Variants in NGF observed in about 807,000 individuals in gnomAD.
NGF encodes nerve growth factor.
A neutral mutation model predicts 12.8 loss-of-function variants in NGF; 4 were observed. The observed-to-expected ratio is 0.31, with a 90% confidence interval of 0.15 to 0.72. The LOEUF (loss-of-function observed/expected upper bound fraction) is 0.72. Among genes scored for constraint, NGF ranks in the 30% least tolerant of loss-of-function variants. The pLI is 0.69. For synonymous variants in NGF, 140 were observed against 130.0 expected, an observed-to-expected ratio of 1.08 and a Z score of -0.52; for missense variants, 283 against 330.8, an observed-to-expected ratio of 0.86 and a Z score of 1.12.
Position 115,297,206 on chromosome 1 carries a change from C to A in NGF, c.-136-3456G>T, listed in dbSNP as rs149679340. Among the ~76,000 whole-genome samples, 10 of 152,286 alleles carry A rather than the reference C, an allele frequency of 6.6e-5. No homozygotes were observed. The East Asian group carries it at 1.7e-3, about 26-fold the overall frequency. On this transcript the variant is annotated intron_variant, in intron 1 of 2. Coordinates refer to ENST00000369512, the MANE Select transcript of NGF (RefSeq NM_002506.3). ...ACTGGGAATGAAACACAACAATCTG[C>A]GGTTTAACCAGCTCTGCAGGTGATT...
At chr1:115,292,284 T>C (rs888043865) in intron 2 of NGF, among the ~76,000 whole-genome samples, 5 of 152,060 alleles carry the variant, frequency 3.3e-5, no homozygotes, top group African/African-American at 2.4e-5. Flanking sequence ...ACAGGATTTA[T>C]TGGGAGGAGG....
At chr1:115,333,655 C>T (rs547791966) in intron 1 of NGF, among the ~76,000 whole-genome samples, 5 of 135,224 alleles carry the variant, frequency 3.7e-5, no homozygotes, top group Non-Finnish European at 3.2e-5. Context: ...TTCTTTCTTT[C>T]TCTTTCTTTC....
At chr1:115,304,501 T>C (rs1471991928) in intron 1 of NGF, among the ~76,000 whole-genome samples, 4 of 151,832 alleles carry the variant, frequency 2.6e-5, no homozygotes, top group Non-Finnish European at 4.4e-5. Context: ...TAAGGAATTA[T>C]GTACCTTCGT....
At chr1:115,337,051 C>A (rs1655126934) in intron 1 of NGF, among the ~76,000 whole-genome samples, 1 of 152,154 alleles carries the variant, frequency 6.6e-6, no homozygotes, top group Non-Finnish European at 1.5e-5. Context: ...TTCCTTAATA[C>A]CCACAGCACC....
At chr1:115,334,435 C>T (rs748368009) in intron 1 of NGF, among the ~76,000 whole-genome samples, 1 of 152,164 alleles carries the variant, frequency 6.6e-6, no homozygotes, top group African/African-American at 2.4e-5. Flanking sequence ...TCACCTTACT[C>T]TTTCTGATTT....
At chr1:115,319,804 C>G (rs955014053) in intron 1 of NGF, among the ~76,000 whole-genome samples, 2 of 152,122 alleles carry the variant, frequency 1.3e-5, no homozygotes, top group Non-Finnish European at 2.9e-5. Context: ...TAAGGAAGAA[C>G]AATGTCAGCC....
chr1:115,298,966 C>T (rs975690517), intron 1 of NGF, among the ~76,000 whole-genome samples: 4 of 152,246 alleles, frequency 2.6e-5, no homozygotes, highest in South Asian at 2.1e-4. Flanking sequence ...TCTCCCATCT[C>T]TCTGTTAGTC....
intron 1 of NGF, among the ~76,000 whole-genome samples, chr1:115,299,540 A>G (rs1653970207): frequency 6.6e-6 from 1 of 152,186 alleles, no homozygotes; most frequent in African/African-American, 2.4e-5. Context: ...AGTGTGGGTA[A>G]TTACAACAAC....
In NGF at chr1:115,328,795, G is replaced by A. The variant is rs141720918; in HGVS notation, c.-137+9409C>T. Among the ~76,000 whole-genome samples, 16 of 152,284 alleles carry A rather than the reference G, an allele frequency of 1.1e-4. 1 individual carries two copies. The East Asian group carries it at 2.5e-3, about 24-fold the overall frequency. ...ACCCAATGTCAGTGCCCAGTGACAG[G>A]GAGGAGGATGTCTTGTGCCCCTTGG... On this transcript the variant is annotated intron_variant, in intron 1 of 2. Coordinates refer to ENST00000369512, the MANE Select transcript of NGF (RefSeq NM_002506.3).
At chr1:115,297,233 T>A (rs1653900433) in intron 1 of NGF, among the ~76,000 whole-genome samples, 1 of 152,230 alleles carries the variant, frequency 6.6e-6, no homozygotes. Flanking sequence ...CAGGTGATTC[T>A]GATAGTCACA....
chr1:115,313,588 GT>G (rs1174782553), intron 1 of NGF, among the ~76,000 whole-genome samples: 1 of 152,116 alleles, frequency 6.6e-6, no homozygotes, highest in Non-Finnish European at 1.5e-5. Flanking sequence ...TTCTTTTTTA[GT>G]TTAATAAATC....
intron 2 of NGF, among the ~76,000 whole-genome samples, chr1:115,289,412 C>A (rs1653615674): frequency 1.3e-5 from 2 of 152,266 alleles, no homozygotes; most frequent in Admixed American, 1.3e-4. Flanking sequence ...TTCCCCATTA[C>A]CAGAGGTTCC....
chr1:115,317,741 T>G (rs114714800), intron 1 of NGF, among the ~76,000 whole-genome samples: 3,351 of 152,308 alleles, frequency 0.022, 60 homozygotes, highest in African/African-American at 0.028. Flanking sequence ...AGCAAACACC[T>G]TGCTCACTGT....
At chr1:115,310,281 C>T (rs981034062) in intron 1 of NGF, among the ~76,000 whole-genome samples, 1 of 152,212 alleles carries the variant, frequency 6.6e-6, no homozygotes, top group African/African-American at 2.4e-5. Context: ...TGATCTCCTT[C>T]CTCTCTTTCC....
chr1:115,321,416 T>G (rs1381063095), intron 1 of NGF, among the ~76,000 whole-genome samples: 1 of 152,216 alleles, frequency 6.6e-6, no homozygotes, highest in Non-Finnish European at 1.5e-5. Flanking sequence ...GTTTTTTTCC[T>G]TCTTTTTTTG....
chr1:115,317,380 G>T (rs946659310), intron 1 of NGF, among the ~76,000 whole-genome samples: 1 of 152,214 alleles, frequency 6.6e-6, no homozygotes, highest in Non-Finnish European at 1.5e-5. Flanking sequence ...GAAGAGAGTA[G>T]TTGCTGTTGG....
At chr1:115,330,975 G>A (rs765244271) in intron 1 of NGF, among the ~76,000 whole-genome samples, 5 of 152,088 alleles carry the variant, frequency 3.3e-5, no homozygotes, top group Non-Finnish European at 7.4e-5. Flanking sequence ...CACAGGCCTC[G>A]GGGAGAAGCA....
At chr1:115,293,277 A>G (rs1466020524) in intron 2 of NGF, among the ~76,000 whole-genome samples, 1 of 152,132 alleles carries the variant, frequency 6.6e-6, no homozygotes, top group Non-Finnish European at 1.5e-5. Context: ...AGTGGCTGTG[A>G]ACCTTCCATT....
chr1:115,292,728 G>C (rs1197553991), intron 2 of NGF, among the ~76,000 whole-genome samples: 1 of 152,142 alleles, frequency 6.6e-6, no homozygotes, highest in Non-Finnish European at 1.5e-5. Context: ...CCCCAACATC[G>C]AAATGAAAAT....
Sources: gnomAD v4.1 joint callset for allele counts (sites outside exome capture counted in the v4.1 genomes callset) on GRCh38, gnomAD v4.1.1 for gene constraint, MANE v1.5 for transcripts, NCBI Gene and HGNC (gene_info 2026-07-23, HGNC 2026-07-21) for gene names.